The following ACOX2 variants were observed in gnomAD, a reference collection of about 807,000 sequenced individuals.
ACOX2 encodes acyl-CoA oxidase 2.
A neutral mutation model predicts 77.5 loss-of-function variants in ACOX2; 59 were observed. The ratio of observed to expected loss-of-function variants is 0.76; its 90% CI spans 0.62 to 0.95. ACOX2 has a LOEUF of 0.95. Among genes scored for constraint, ACOX2 ranks in the 40% least tolerant of loss-of-function variants. The pLI, the probability that ACOX2 is intolerant of heterozygous loss-of-function variation, is 0.00. For missense variants in ACOX2, 837 were observed against 880.4 expected, an observed-to-expected ratio of 0.95 and a Z score of 0.62; for synonymous variants, 317 against 340.1, an observed-to-expected ratio of 0.93 and a Z score of 0.75.
chr3:58,526,462 TTACCTG>T lies in ACOX2; in HGVS notation c.1344_1346+3del. 15 of 1,610,024 alleles carry T rather than the reference TTACCTG, an allele frequency of 9.3e-6. No individual in the cohort carries two copies. Among genetic ancestry groups the T allele is most frequent in the Non-Finnish European group, 1.3e-5 (15 of 1,177,750 alleles). ...GCAAAGGCCTGGGTCAGCCTGGACCTTACCTGGCCACCTGCAGGTAGAGCACTGTGT... is the reference window on the plus strand; with the variant it reads ...GCAAAGGCCTGGGTCAGCCTGGACCTGCCACCTGCAGGTAGAGCACTGTGT... On this transcript the variant is annotated splice_donor_variant and splice_donor_region_variant and coding_sequence_variant and intron_variant, in exon 10 of 15. Transcript: ENST00000302819. LOFTEE classifies it high-confidence loss of function. The surrounding 1 kb of genome is among the most constrained non-coding windows in gnomAD (Gnocchi z 4.3).
At chr3:58,527,330 G>A (rs2063402875) in intron 9 of ACOX2, among the ~76,000 whole-genome samples, 1 of 152,084 alleles carries the variant, frequency 6.6e-6, no homozygotes, top group African/African-American at 2.4e-5. Context: ...GAGGTCAGGA[G>A]ATCGAGGCCA....
rs777265042 is a variant in ACOX2, at chr3:58,534,095, GC to G, written c.373del (p.Ala125ProfsTer55). 2.5e-6 allele frequency: 4 copies of G among 1,614,164 alleles called. No homozygotes were observed. In the East Asian group the frequency reaches 8.9e-5, roughly 36 times the overall value. Reference protein sequence around the residue: ...ALNIHRVFVRALRSLGSEEQI... With the variant: ...ALNIHRVFVRXLRSLGSEEQI... Reference sequence around the variant, plus strand: ...CTCCTCTGAGCCCAGGCTCCTGAGGGCTCTCACGAAGACTCTGTGTATATTT... The same window carrying G: ...CTCCTCTGAGCCCAGGCTCCTGAGGGTCTCACGAAGACTCTGTGTATATTT... On this transcript the variant is annotated frameshift_variant, in exon 4 of 15. Transcript: ENST00000302819. LOFTEE classifies it high-confidence loss of function. The surrounding 1 kb of genome is among the most constrained non-coding windows in gnomAD (Gnocchi z 4.8).
At chr3:58,527,790 A>G (rs2063407160) in intron 9 of ACOX2, among the ~76,000 whole-genome samples, 1 of 152,126 alleles carries the variant, frequency 6.6e-6, no homozygotes, top group Non-Finnish European at 1.5e-5. Context: ...CCTGGGCTCA[A>G]GGAATCCTCC....
At chr3:58,529,498 A>G (rs2063421311) in intron 8 of ACOX2, among the ~76,000 whole-genome samples, 1 of 152,216 alleles carries the variant, frequency 6.6e-6, no homozygotes, top group Admixed American at 6.5e-5. Flanking sequence ...GCTCGCAGTA[A>G]CTGGATTGAA....
In ACOX2 at chr3:58,517,420, G is replaced by C. The variant is rs747403033; in HGVS notation, c.1636C>G (p.His546Asp). The change falls in exon 13 of 15, where the codon CAC (histidine) becomes GAC (aspartate). Residue 546 changes from histidine (H) to aspartate (D), a missense_variant. By Grantham distance (81) the His-to-Asp change is moderately conservative. Transcript: ENST00000302819. The stretch of plus-strand genomic sequence containing the variant: ...CCCTTCACAGTGACATAGTAGCAGT[G>C]CACCTACAAAGACACAAAGATATGT... Reference protein sequence around the residue: ...TVIHLQAAKVHCYYVTVKGFT... With the variant: ...TVIHLQAAKVDCYYVTVKGFT... 5.6e-6 allele frequency: 9 copies of C among 1,613,672 alleles called. No individual in the cohort carries two copies. The South Asian group carries it at 8.8e-5, about 16-fold the overall frequency.
In ACOX2 at chr3:58,533,476, C is replaced by A; in HGVS notation, c.552G>T (p.Thr184=). Residue 184 remains threonine (T), a synonymous_variant, in exon 5 of 15, where the codon ACG becomes ACT. Coordinates refer to ENST00000302819, the MANE Select transcript of ACOX2 (RefSeq NM_003500.4). This position sits in a 1 kb window ranked among gnomAD's most constrained non-coding sequence, Gnocchi z 5.6. ...CAGGCCACCATTTGGTGGCAGTCAG[C>A]GTGGGGCTGTGTATCACAAACTCCT... ...ATQEFVIHSP[T]LTATKWWPGD... 6.2e-7 allele frequency: 1 copy of A among 1,613,874 alleles called. No individual in the cohort carries two copies. Among genetic ancestry groups the A allele is most frequent in the Admixed American group, 1.7e-5 (1 of 60,000 alleles).
chr3:58,510,691 T>TATAC (rs2063277565), intron 13 of ACOX2, among the ~76,000 whole-genome samples: 1 of 18,910 alleles, frequency 5.3e-5, no homozygotes, highest in South Asian at 2.6e-3. Flanking sequence ...TATATATATA[T>TATAC]ATATATATAT....
At position 58,514,950 on chromosome 3, in the gene ACOX2, A is replaced by C. The variant is rs1306848555; in HGVS notation, c.1850+2256T>G. Among the ~76,000 whole-genome samples the C allele has an allele frequency of 1.3e-5, 2 of 152,212 alleles. No individual in the cohort carries two copies. Among genetic ancestry groups the C allele is most frequent in the African/African-American group, 2.4e-5 (1 of 41,452 alleles). ...TTTTCACCACTGGATTCCCTGTATT[A>C]GGGAAAGTTTTATACCTGGGACATA... On this transcript the variant is annotated intron_variant, in intron 13 of 14. Transcript: ENST00000302819. The surrounding 1 kb of genome is among the most constrained non-coding windows in gnomAD (Gnocchi z 4.3).
At position 58,525,684 on chromosome 3, in the gene ACOX2, A is replaced by G. The variant is rs989489645; in HGVS notation, c.1346+782T>C. 6.6e-6 allele frequency among the ~76,000 whole-genome samples: 1 copy of G among 152,226 alleles called. No individual in the cohort carries two copies. The highest frequency in any genetic ancestry group is 1.9e-4 in the East Asian group (1 of 5,200). On this transcript the variant is annotated intron_variant, in intron 10 of 14. Transcript: ENST00000302819. This position sits in a 1 kb window ranked among gnomAD's most constrained non-coding sequence, Gnocchi z 5.0. ...GGCCATGTTGGGTGGGAGGGGATCA[A>G]ATGCAAAGGCCTCCTGGACAGAAAG...
rs1040128030 is a variant in ACOX2 at position 58,523,394 on chromosome 3, A to C, written c.1527-793T>G. 6.6e-6 allele frequency among the ~76,000 whole-genome samples: 1 copy of C among 152,122 alleles called. No homozygotes were observed. The highest frequency in any genetic ancestry group is 1.5e-5 in the Non-Finnish European group (1 of 68,028). ...TTTGGGGTGTTTATCAGGCCTATTTACTGATAGGTCCCTAATGCCTAGAAC... is the reference window on the plus strand; with the variant it reads ...TTTGGGGTGTTTATCAGGCCTATTTCCTGATAGGTCCCTAATGCCTAGAAC... On this transcript the variant is annotated intron_variant, in intron 11 of 14. Transcript: ENST00000302819. This position sits in a 1 kb window ranked among gnomAD's most constrained non-coding sequence, Gnocchi z 5.3.
rs1355024938 is a variant in ACOX2, at chr3:58,506,471, G to GGGT, written c.1984-1188_1984-1186dup. On this transcript the variant is annotated intron_variant, in intron 14 of 14. Coordinates refer to ENST00000302819, the MANE Select transcript of ACOX2 (RefSeq NM_003500.4). ...TCCTGTCTGTACTTTTATGTCTACA[G>GGGT]GGTGTGTTTCAACATAGCTGCTGTT... Among the ~76,000 whole-genome samples the GGGT allele has an allele frequency of 2.6e-5, 4 of 152,272 alleles. No individual in the cohort carries two copies. In the East Asian group the frequency reaches 7.7e-4, roughly 29 times the overall value.
At chr3:58,536,731 C>A (rs1356476204) in intron 1 of ACOX2, among the ~76,000 whole-genome samples, 3 of 152,166 alleles carry the variant, frequency 2.0e-5, no homozygotes, top group African/African-American at 7.2e-5. Flanking sequence ...GTCACTAGGG[C>A]TTTTTGCATT....
intron 13 of ACOX2, chr3:58,511,046 C>T (rs1039422206): frequency 6.6e-6 from 3 of 456,602 alleles, no homozygotes; most frequent in Admixed American, 2.4e-5. Flanking sequence ...GGCTTTACAT[C>T]GTATTTCACT....
chr3:58,536,740 T>C (rs371604019), intron 1 of ACOX2, among the ~76,000 whole-genome samples: 2 of 152,144 alleles, frequency 1.3e-5, no homozygotes, highest in East Asian at 1.9e-4. Flanking sequence ...GCTTTTTGCA[T>C]TGAACCTCAT....
chr3:58,535,042 A>G lies in ACOX2; in HGVS notation c.65T>C (p.Ile22Thr), dbSNP rs1395239679. The change falls in exon 2 of 15, where the codon ATA becomes ACA. Residue 22 changes from isoleucine to threonine, a missense_variant. By Grantham distance (89) the Ile-to-Thr change is moderately conservative. Coordinates refer to ENST00000302819, the MANE Select transcript of ACOX2 (RefSeq NM_003500.4). The surrounding 1 kb of genome is among the most constrained non-coding windows in gnomAD (Gnocchi z 4.8). ...GGACTGCATATACCTCTCGCTCTCT[A>G]TGTCGGGGTGCATTTGCCTGCTCCA... ...DTWSRQMHPD[I>T]ESERYMQSFD... 2.5e-6 allele frequency: 4 copies of G among 1,614,084 alleles called. No homozygotes were observed. The highest frequency in any genetic ancestry group is 3.4e-6 in the Non-Finnish European group (4 of 1,180,008).
rs1401213108 is a variant in ACOX2 at position 58,521,479 on chromosome 3, C to T, written c.1632+1017G>A. 6.6e-6 allele frequency among the ~76,000 whole-genome samples: 1 copy of T among 152,182 alleles called. No homozygotes were observed. The highest frequency in any genetic ancestry group is 1.5e-5 in the Non-Finnish European group (1 of 68,030). ...CCCAGCACTCTGAGGCCTGTCCCTGCCTTCTTCCCCCTTAGCATCTCTGAT... is the reference window on the plus strand; with the variant it reads ...CCCAGCACTCTGAGGCCTGTCCCTGTCTTCTTCCCCCTTAGCATCTCTGAT... On this transcript the variant is annotated intron_variant, in intron 12 of 14. Transcript: ENST00000302819. The surrounding 1 kb of genome is among the most constrained non-coding windows in gnomAD (Gnocchi z 4.8).
At position 58,510,689 on chromosome 3, in the gene ACOX2, TATATATATATATATATATATACAC is replaced by T. The variant is rs1464204087; in HGVS notation, c.1851-1688_1851-1665del. ...ATATATATATATATATATATATATA[TATATATATATATATATATATACAC>T]ACACACACACACACACACACACACA... On this transcript the variant is annotated intron_variant, in intron 13 of 14. Coordinates refer to ENST00000302819, the MANE Select transcript of ACOX2 (RefSeq NM_003500.4). Among the ~76,000 whole-genome samples the T allele has an allele frequency of 1.7e-3, 27 of 16,070 alleles. 5 individuals carry two copies. The highest frequency in any genetic ancestry group is 0.01 in the East Asian group (3 of 286). 10.5% of individuals were successfully genotyped at this position (16,070 alleles called of 152,430 possible).
At position 58,505,346 on chromosome 3, in the gene ACOX2, T is replaced by G; in HGVS notation, c.1984-60A>C. The stretch of plus-strand genomic sequence containing the variant: ...ACATTTCTGCCAGGATTAATGACTT[T>G]CACTTTCAAATTAAGTCTCTAGCTT... On this transcript the variant is annotated intron_variant, in intron 14 of 14. Coordinates refer to ENST00000302819, the MANE Select transcript of ACOX2 (RefSeq NM_003500.4). This position sits in a 1 kb window ranked among gnomAD's most constrained non-coding sequence, Gnocchi z 4.4. The G allele has an allele frequency of 1.4e-6, 2 of 1,386,960 alleles. No homozygotes were observed. The highest frequency in any genetic ancestry group is 2.0e-6 in the Non-Finnish European group (2 of 1,008,604). 85.9% of individuals were successfully genotyped at this position (1,386,960 alleles called of 1,614,324 possible). A position where few individuals can be genotyped will look rare whatever the true frequency, so the allele number is the denominator to read the frequency against.
intron 12 of ACOX2, among the ~76,000 whole-genome samples, 161 bp from the exon 13 acceptor site, chr3:58,517,584 G>A (rs900636198): frequency 5.5e-5 from 8 of 144,230 alleles, no homozygotes; most frequent in Non-Finnish European, 1.1e-4. Context: ...TCTGATCAAG[G>A]CGTTTTGATG....
Sources: gnomAD v4.1 joint callset for allele counts (sites outside exome capture counted in the v4.1 genomes callset) on GRCh38, gnomAD v4.1.1 for gene constraint, Gnocchi (gnomAD v3.1) non-coding constraint, MANE v1.5 for transcripts, NCBI Gene and HGNC (gene_info 2026-07-23, HGNC 2026-07-21) for gene names.